Variants in ANKRD26 observed in about 807,000 individuals in gnomAD.
ANKRD26 encodes ankyrin repeat domain-containing protein 26.
ANKRD26 carries 141 observed loss-of-function variants against 208.7 expected under a neutral mutation model. The ratio of observed to expected loss-of-function variants is 0.68; its 90% confidence interval spans 0.59 to 0.78. The LOEUF is 0.78. Among genes scored for constraint, ANKRD26 ranks in the 30% least tolerant of loss-of-function variants. ANKRD26 has a pLI of 0.00. For synonymous variants in ANKRD26, 636 were observed against 660.4 expected, an observed-to-expected ratio of 0.96 and a Z score of 0.57; for missense variants, 1,889 against 1,938.7, an observed-to-expected ratio of 0.97 and a Z score of 0.48.
downstream of ANKRD26, among the ~76,000 whole-genome samples, chr10:26,972,787 T>C (rs2052169829): frequency 6.6e-6 from 1 of 152,100 alleles, no homozygotes; most frequent in Admixed American, 6.5e-5. Context: ...AGACGGGGTT[T>C]CACCGTGTTA....
chr10:27,087,923 G>C (rs567232282), intron 4 of ANKRD26, among the ~76,000 whole-genome samples: 6 of 152,236 alleles, frequency 3.9e-5, no homozygotes, highest in East Asian at 1.9e-4. Flanking sequence ...TAGGACTCCA[G>C]GTGCACACCA....
chr10:27,067,213 T>C lies in ANKRD26; in HGVS notation c.1151A>G (p.Gln384Arg), dbSNP rs1289609731. The C allele has an allele frequency of 6.2e-7, 1 of 1,613,766 alleles. No homozygotes were observed. Among genetic ancestry groups the C allele is most frequent in the East Asian group, 2.2e-5 (1 of 44,896 alleles). The change falls in exon 10 of 34, where the codon CAA becomes CGA. Residue 384 changes from glutamine to arginine, a missense_variant. Transcript: ENST00000376087. ...IDIIESAPLEQTNNDNLTYVD... is the reference protein window; with the variant it reads ...IDIIESAPLERTNNDNLTYVD... Reference sequence around the variant, plus strand: ...ATAAGTCAAATTGTCATTATTTGTTTGCTCTAGTGGAGCACTTTCAATAAT... The same window carrying C: ...ATAAGTCAAATTGTCATTATTTGTTCGCTCTAGTGGAGCACTTTCAATAAT...
rs2056608644 is a variant in ANKRD26 at position 27,100,295 on chromosome 10, G to A, written c.32C>T (p.Ser11Leu). 6.2e-7 allele frequency: 1 copy of A among 1,609,792 alleles called. No individual in the cohort carries two copies. Among genetic ancestry groups the A allele is most frequent in the Non-Finnish European group, 8.5e-7 (1 of 1,179,586 alleles). Residue 11 changes from serine to leucine, a missense_variant, in exon 1 of 34, where the codon TCG (serine) becomes TTG (leucine). Coordinates refer to ENST00000376087, the MANE Select transcript of ANKRD26 (RefSeq NM_014915.3). MKKIFSKKGE[S>L]PLGSFARRQR... ...CCGCCGCGCGAAGGAGCCCAAGGGC[G>A]ACTCGCCCTTCTTACTAAAAATCTT...
At chr10:27,047,738 TA>T (rs1235354066) in intron 17 of ANKRD26, among the ~76,000 whole-genome samples, 9 of 40,324 alleles carry the variant, frequency 2.2e-4, no homozygotes, top group African/African-American at 3.9e-4. Flanking sequence ...ATAATAATAA[TA>T]ATTATTATTA....
At position 27,005,348 on chromosome 10, in the gene ANKRD26, C is replaced by T; in HGVS notation, c.*242G>A. The T allele has an allele frequency of 3.4e-6, 4 of 1,189,238 alleles. No homozygotes were observed. The highest frequency in any genetic ancestry group is 3.1e-6 in the Non-Finnish European group (3 of 955,862). 73.7% of individuals were successfully genotyped at this position (1,189,238 alleles called of 1,614,324 possible). A position where few individuals can be genotyped will look rare whatever the true frequency, so the allele number is the denominator to read the frequency against. On this transcript the variant is annotated 3_prime_UTR_variant, in exon 34 of 34. Coordinates refer to ENST00000376087, the MANE Select transcript of ANKRD26 (RefSeq NM_014915.3). ...TATTAATGACAACTTAGTGGTTTGG[C>T]TGTTTAAACAGCTCACATTTGGGCA...
At chr10:27,040,457 A>G (rs1463835511) in intron 20 of ANKRD26, among the ~76,000 whole-genome samples, 1 of 152,210 alleles carries the variant, frequency 6.6e-6, no homozygotes, top group Non-Finnish European at 1.5e-5. Flanking sequence ...TGACCACAAA[A>G]GAGAATTTGA....
At chr10:27,001,881 A>T (rs2052733774), downstream of ANKRD26, among the ~76,000 whole-genome samples, 1 of 152,172 alleles carries the variant, frequency 6.6e-6, no homozygotes, top group South Asian at 2.1e-4. Context: ...TTAAAAGGGA[A>T]ATTTTGCCAA....
chr10:27,062,982 G>C (rs1438603255), intron 12 of ANKRD26, among the ~76,000 whole-genome samples: 1 of 152,082 alleles, frequency 6.6e-6, no homozygotes, highest in Non-Finnish European at 1.5e-5. Flanking sequence ...TGGCCAGGCT[G>C]ATCTCGAACT....
chr10:27,051,511 G>A (rs2054659198), intron 16 of ANKRD26: 1 of 1,021,388 alleles, frequency 9.8e-7, no homozygotes, highest in Non-Finnish European at 1.2e-6. Context: ...ACTACTTCTG[G>A]GTTCCTTACT....
chr10:27,081,390 T>A (rs1008353713), intron 6 of ANKRD26, among the ~76,000 whole-genome samples: 1 of 152,196 alleles, frequency 6.6e-6, no homozygotes, highest in Non-Finnish European at 1.5e-5. Flanking sequence ...TCCGCTGGGT[T>A]CACTAGATCC....
chr10:26,950,041 C>T, the ANKRD26 span, among the ~76,000 whole-genome samples: 5 of 152,034 alleles, frequency 3.3e-5, no homozygotes, highest in Admixed American at 3.3e-4. Context: ...ATTTATTGAA[C>T]CTGTGATACA....
chr10:27,027,617 A>G (rs903787505), intron 27 of ANKRD26, among the ~76,000 whole-genome samples: 8 of 152,230 alleles, frequency 5.3e-5, no homozygotes, highest in Non-Finnish European at 1.2e-4. Flanking sequence ...CATTAATGTT[A>G]TGAATTCAGT....
At chr10:27,086,515 G>C in intron 5 of ANKRD26, 24 bp downstream of exon 5, 1 of 1,603,030 alleles carries the variant, frequency 6.2e-7, no homozygotes, top group Non-Finnish European at 8.5e-7. Context: ...ATTACCAAGA[G>C]AAATTCACTA....
intron 21 of ANKRD26, among the ~76,000 whole-genome samples, chr10:27,038,416 G>A (rs550958111): frequency 2.0e-5 from 3 of 152,228 alleles, no homozygotes; most frequent in Admixed American, 6.5e-5. Flanking sequence ...TTGGGAGGCC[G>A]AGGCGCGCAG....
rs372939800 is a variant in ANKRD26 at position 27,100,229 on chromosome 10, C to A, written c.98G>T (p.Gly33Val). 14 of 1,612,574 alleles carry A rather than the reference C, an allele frequency of 8.7e-6. No homozygotes were observed. The African/African-American group carries it at 1.5e-4, about 17-fold the overall frequency. ...SAGGGGEPGE[G>V]AYSQPGYHVR... ...GTGGTAGCCGGGCTGCGAGTAGGCG[C>A]CCTCCCCCGGCTCGCCCCCGCCTCC... Residue 33 changes from glycine to valine, a missense_variant, in exon 1 of 34, where the codon GGC becomes GTC. Around this residue, in one of 3 missense-constraint regions of ANKRD26, gnomAD observed 1,272 missense variants for 1,273.8 expected, o/e 1.00. Coordinates refer to ENST00000376087, the MANE Select transcript of ANKRD26 (RefSeq NM_014915.3).
chr10:26,948,319 ATCT>A, the ANKRD26 span, among the ~76,000 whole-genome samples: 3,561 of 152,308 alleles, frequency 0.023, 137 homozygotes, highest in African/African-American at 0.08. Flanking sequence ...TACCAGGTAC[ATCT>A]TCTCCAGCAA....
In ANKRD26 at chr10:27,053,365, T is replaced by C; in HGVS notation, c.1590A>G (p.Ser530=). The C allele has an allele frequency of 1.2e-6, 2 of 1,611,380 alleles. No homozygotes were observed. The highest frequency in any genetic ancestry group is 1.7e-6 in the Non-Finnish European group (2 of 1,178,726). ...TCCCTTCCCTTTCTTGCTCTTCTTC[T>C]GATGCTACTTCTAAGTCATGTTCAG... ...KAAEHDLEVA[S]EEEQEREGSE... The change falls in exon 16 of 34, where the codon TCA becomes TCG. Residue 530 remains serine, a synonymous_variant. Transcript: ENST00000376087.
downstream of ANKRD26, among the ~76,000 whole-genome samples, chr10:26,990,606 C>T (rs980010968): frequency 5.3e-5 from 8 of 152,092 alleles, no homozygotes; most frequent in African/African-American, 1.4e-4. Flanking sequence ...GAAACCTAAT[C>T]CGAGCCATGT....
At position 27,005,712 on chromosome 10, in the gene ANKRD26, A is replaced by G. The variant is rs1438822467; in HGVS notation, c.5011T>C (p.Leu1671=). ...TRELKEAAAE[L]ESGSIASPLG... is the part of the protein sequence containing the mutation. ...GGGGAAGCTATTGATCCAGATTCCA[A>G]TTCAGCAGCAGCTAGAATGAAAAAG... Residue 1671 remains leucine, a synonymous_variant, in exon 34 of 34, where the codon TTG becomes CTG. Transcript: ENST00000376087. The G allele has an allele frequency of 1.9e-6, 3 of 1,609,064 alleles. No individual in the cohort carries two copies. The highest frequency in any genetic ancestry group is 2.5e-6 in the Non-Finnish European group (3 of 1,177,818).
Sources: allele counts gnomAD v4.1 joint callset (sites outside exome capture counted in the v4.1 genomes callset), GRCh38; gene constraint gnomAD v4.1.1; regional missense constraint gnomAD v4.1.1; transcripts MANE v1.5; gene names NCBI Gene and HGNC (gene_info 2026-07-23, HGNC 2026-07-21).